Variants in SLC44A5 observed in about 807,000 individuals in gnomAD.
The protein encoded by SLC44A5 is choline transporter-like protein 5.
Under a neutral mutation model 101.8 loss-of-function variants are expected in SLC44A5, and 57 were observed. That is an observed-to-expected ratio of 0.56 (90% confidence interval 0.45 to 0.70). SLC44A5 has a LOEUF of 0.70. Ranked by LOEUF, SLC44A5 falls within the 30% of genes least tolerant of loss-of-function variation. The probability of loss-of-function intolerance (pLI) is 0.00; values close to 1 mark genes in which losing one functional copy is unlikely to be tolerated. For missense variants in SLC44A5, 737 were observed against 853.1 expected (o/e 0.86, Z 1.70); for synonymous variants, 281 against 290.9 (o/e 0.97, Z 0.35).
At chr1:75,432,768 G>A (rs771208714) in intron 2 of SLC44A5, among the ~76,000 whole-genome samples, 5 of 151,958 alleles carry the variant, frequency 3.3e-5, no homozygotes, top group Admixed American at 6.6e-5. Context: ...AAAAAAAAAT[G>A]CGAGGGTCCA....
chr1:75,310,542 G>A (rs1655217928), intron 4 of SLC44A5, among the ~76,000 whole-genome samples: 1 of 152,100 alleles, frequency 6.6e-6, no homozygotes. Context: ...TTCTCTACTA[G>A]CGGACACAAG....
intron 1 of SLC44A5, among the ~76,000 whole-genome samples, chr1:75,555,142 T>C (rs932436867): frequency 2.6e-5 from 4 of 152,122 alleles, no homozygotes; most frequent in Middle Eastern, 3.2e-3. Flanking sequence ...CTCACAGATA[T>C]TGTGCCACAT....
chr1:75,407,400 C>G (rs2101482432), intron 2 of SLC44A5, among the ~76,000 whole-genome samples: 1 of 152,152 alleles, frequency 6.6e-6, no homozygotes, highest in Admixed American at 6.5e-5. Flanking sequence ...CCCATATAGC[C>G]AAGACAATCC....
intron 2 of SLC44A5, among the ~76,000 whole-genome samples, chr1:75,475,915 T>G (rs974598738): frequency 1.3e-5 from 2 of 152,244 alleles, no homozygotes; most frequent in African/African-American, 4.8e-5. Flanking sequence ...CTGGGTGTGG[T>G]GGTTCATGCC....
rs544747033 is a variant in SLC44A5, at chr1:75,209,547, A to G, written c.2047+1921T>C. 2.6e-5 allele frequency among the ~76,000 whole-genome samples: 4 copies of G among 152,342 alleles called. No individual in the cohort carries two copies. The South Asian group carries it at 8.3e-4, about 32-fold the overall frequency. Reference sequence around the variant, plus strand: ...TCCTTAGACCACTGAAGCACTAGGAAAACATTAAACATTTCATTTCCATTT... The same window carrying G: ...TCCTTAGACCACTGAAGCACTAGGAGAACATTAAACATTTCATTTCCATTT... On this transcript the variant is annotated intron_variant, in intron 23 of 23. Transcript: ENST00000370859.
At chr1:75,676,063 T>A in the SLC44A5 span, among the ~76,000 whole-genome samples, 28 of 152,204 alleles carry the variant, frequency 1.8e-4, no homozygotes, top group African/African-American at 6.5e-4. Context: ...TTGGCGAGGC[T>A]GCAGAGCAAT....
chr1:75,419,279 T>C (rs1663852401), intron 2 of SLC44A5, among the ~76,000 whole-genome samples: 1 of 151,778 alleles, frequency 6.6e-6, no homozygotes, highest in South Asian at 2.1e-4. Context: ...CCAGGCAGGA[T>C]AAACATGAAG....
the SLC44A5 span, among the ~76,000 whole-genome samples, chr1:75,700,126 G>GA: frequency 6.6e-6 from 1 of 152,074 alleles, no homozygotes; most frequent in Non-Finnish European, 1.5e-5. Flanking sequence ...GGATATCCAG[G>GA]AATTGAACTC....
chr1:75,667,215 T>G, the SLC44A5 span, among the ~76,000 whole-genome samples: 2 of 152,144 alleles, frequency 1.3e-5, no homozygotes, highest in Non-Finnish European at 2.9e-5. Context: ...CTTAAACTGA[T>G]AAGCAACTTC....
chr1:75,275,055 GA>G lies in SLC44A5; in HGVS notation c.176-14del, dbSNP rs1178765206. ...CCATGTACCCAGGCTGCAGGAACAA[GA>G]AAGGACAAATATGCTATCAGCAAAA... On this transcript the variant is annotated splice_polypyrimidine_tract_variant and intron_variant, in intron 5 of 23. Coordinates refer to ENST00000370859, the MANE Select transcript of SLC44A5 (RefSeq NM_001130058.2). The G allele has an allele frequency of 1.2e-6, 2 of 1,609,628 alleles. No homozygotes were observed. Among genetic ancestry groups the G allele is most frequent in the Non-Finnish European group, 1.7e-6 (2 of 1,177,394 alleles).
intron 2 of SLC44A5, among the ~76,000 whole-genome samples, chr1:75,400,114 C>A (rs745755753): frequency 3.3e-5 from 5 of 152,094 alleles, no homozygotes; most frequent in African/African-American, 1.2e-4. Context: ...TTCTCACTTA[C>A]AAGTGGGAGC....
the SLC44A5 span, among the ~76,000 whole-genome samples, chr1:75,619,249 G>GAGGAAGGAACAAAGGA: frequency 6.6e-6 from 1 of 151,216 alleles, no homozygotes; most frequent in Non-Finnish European, 1.5e-5. Context: ...GGGAGGAAGG[G>GAGGAAGGAACAAAGGA]AGGAAGGAAC....
chr1:75,570,132 A>G (rs1016001490), intron 1 of SLC44A5, among the ~76,000 whole-genome samples: 6 of 152,242 alleles, frequency 3.9e-5, no homozygotes, highest in African/African-American at 1.4e-4. Flanking sequence ...CAGACTGCTC[A>G]TGGACAGGTA....
At chr1:75,628,929 A>C in the SLC44A5 span, among the ~76,000 whole-genome samples, 1 of 152,270 alleles carries the variant, frequency 6.6e-6, no homozygotes, top group South Asian at 2.1e-4. Context: ...AGGGGGGAAA[A>C]GTCCCATCTC....
the SLC44A5 span, among the ~76,000 whole-genome samples, chr1:75,700,186 G>T: frequency 6.6e-6 from 1 of 151,936 alleles, no homozygotes; most frequent in African/African-American, 2.4e-5. Context: ...TCTCCACCCC[G>T]AATCAACAGA....
intron 5 of SLC44A5, among the ~76,000 whole-genome samples, chr1:75,282,060 C>G (rs572426351): frequency 6.6e-6 from 1 of 152,164 alleles, no homozygotes; most frequent in South Asian, 2.1e-4. Context: ...CTGGAAAAGC[C>G]ACAGACACTC....
At chr1:75,211,349 C>T (rs1289481015) in intron 23 of SLC44A5, 119 bp downstream of exon 23, 15 of 653,936 alleles carry the variant, frequency 2.3e-5, no homozygotes, top group East Asian at 8.6e-5. Context: ...CAGATAAACA[C>T]GTTTTGTGGT....
chr1:75,366,708 C>T (rs1459546777), intron 3 of SLC44A5, among the ~76,000 whole-genome samples: 2 of 151,702 alleles, frequency 1.3e-5, no homozygotes, highest in Non-Finnish European at 2.9e-5. Flanking sequence ...GCTTTTTTCA[C>T]TCTTTTTCAT....
intron 6 of SLC44A5, among the ~76,000 whole-genome samples, chr1:75,261,298 A>G (rs1650482150): frequency 6.6e-6 from 1 of 152,252 alleles, no homozygotes; most frequent in Non-Finnish European, 1.5e-5. Context: ...GAAAAGAGAG[A>G]AGAATCAAAT....
Sources: allele counts gnomAD v4.1 joint callset (sites outside exome capture counted in the v4.1 genomes callset), GRCh38; gene constraint gnomAD v4.1.1; transcripts MANE v1.5; gene names NCBI Gene and HGNC (gene_info 2026-07-23, HGNC 2026-07-21).